Variants in RBFOX3 observed in about 807,000 individuals in gnomAD.
RBFOX3 encodes RNA binding protein fox-1 homolog 3.
A neutral mutation model predicts 48.7 loss-of-function variants in RBFOX3; 17 were observed. The ratio of observed to expected loss-of-function variants is 0.35; its 90% CI spans 0.24 to 0.52. The LOEUF (loss-of-function observed/expected upper bound fraction) is 0.52. Ranked by LOEUF, RBFOX3 falls within the 20% of genes least tolerant of loss-of-function variation. The probability of loss-of-function intolerance (pLI) is 0.94; values close to 1 mark genes in which losing one functional copy is unlikely to be tolerated. For missense variants in RBFOX3, 382 were observed against 497.5 expected (o/e 0.77, Z 2.21); for synonymous variants, 212 against 209.5 (o/e 1.01, Z -0.10).
At chr17:79,147,743 A>G (rs2043337197) in intron 4 of RBFOX3, among the ~76,000 whole-genome samples, 1 of 152,204 alleles carries the variant, frequency 6.6e-6, no homozygotes, top group African/African-American at 2.4e-5. Flanking sequence ...GTGTCCAGGC[A>G]GGCTCTGCGC....
At chr17:79,137,341 C>T (rs2040455691) in intron 4 of RBFOX3, among the ~76,000 whole-genome samples, 1 of 152,202 alleles carries the variant, frequency 6.6e-6, no homozygotes, top group South Asian at 2.1e-4. Flanking sequence ...CTCACACAAG[C>T]ACCCCTGGAT....
chr17:79,283,738 C>G (rs988925194), intron 3 of RBFOX3, among the ~76,000 whole-genome samples: 1 of 152,244 alleles, frequency 6.6e-6, no homozygotes, highest in Non-Finnish European at 1.5e-5. Context: ...CCTTGCCCAT[C>G]ATGCAGAGCG....
intron 2 of RBFOX3, among the ~76,000 whole-genome samples, chr17:79,365,820 G>T (rs1163218712): frequency 6.6e-6 from 1 of 152,234 alleles, no homozygotes; most frequent in African/African-American, 2.4e-5. Context: ...CAGGGTCAAG[G>T]GGCTATAGTG....
At chr17:79,134,878 C>T (rs539378521) in intron 4 of RBFOX3, among the ~76,000 whole-genome samples, 9 of 152,226 alleles carry the variant, frequency 5.9e-5, no homozygotes, top group African/African-American at 9.6e-5. Flanking sequence ...AGGAAGAGCA[C>T]GGCGGGGCTG....
At chr17:79,493,586 G>A (rs1449688142) in intron 1 of RBFOX3, among the ~76,000 whole-genome samples, 1 of 152,140 alleles carries the variant, frequency 6.6e-6, no homozygotes, top group Non-Finnish European at 1.5e-5. Flanking sequence ...TGCTAAAGGA[G>A]TCCCCAACCC....
At chr17:79,380,182 C>A (rs2059723793) in intron 2 of RBFOX3, among the ~76,000 whole-genome samples, 1 of 151,986 alleles carries the variant, frequency 6.6e-6, no homozygotes, top group Middle Eastern at 3.4e-3. Flanking sequence ...CAAATCTCCA[C>A]AATCCCCCCC....
chr17:79,148,984 C>T (rs1196141327), intron 4 of RBFOX3, among the ~76,000 whole-genome samples: 1 of 152,226 alleles, frequency 6.6e-6, no homozygotes, highest in Non-Finnish European at 1.5e-5. Context: ...TCAAGAAACG[C>T]TAACCATAAA....
chr17:79,420,422 A>G (rs775757859), intron 2 of RBFOX3, among the ~76,000 whole-genome samples: 89 of 152,290 alleles, frequency 5.8e-4, no homozygotes, highest in East Asian at 3.9e-4. Context: ...ATGGGAGGAA[A>G]GTGTGAGTCA....
In RBFOX3 at chr17:79,362,617, T is replaced by C. The variant is rs1424706135; in HGVS notation, c.-174-54793A>G. Among the ~76,000 whole-genome samples, 1 of 152,198 alleles carries C rather than the reference T, an allele frequency of 6.6e-6. No homozygotes were observed. The highest frequency in any genetic ancestry group is 1.5e-5 in the Non-Finnish European group (1 of 68,030). On this transcript the variant is annotated intron_variant, in intron 2 of 14. Transcript: ENST00000693108. This position sits in a 1 kb window ranked among gnomAD's most constrained non-coding sequence, Gnocchi z 4.2. ...CAGAGGCCTCTTTGCAAAGCTTGAA[T>C]ACCTGGCGCCCCAGGAAAATGAGAG... is the stretch of plus-strand genomic sequence containing the variant.
At chr17:79,169,473 C>G (rs1472412229) in intron 4 of RBFOX3, among the ~76,000 whole-genome samples, 1 of 152,198 alleles carries the variant, frequency 6.6e-6, no homozygotes, top group Non-Finnish European at 1.5e-5. Flanking sequence ...GCTAAGATCA[C>G]ACACCCCACC....
At chr17:79,627,524 G>A in the RBFOX3 span, among the ~76,000 whole-genome samples, 1 of 152,158 alleles carries the variant, frequency 6.6e-6, no homozygotes, top group Non-Finnish European at 1.5e-5. Flanking sequence ...GACTCCAGGA[G>A]TGAGACCTGT....
intron 1 of RBFOX3, among the ~76,000 whole-genome samples, chr17:79,501,503 T>C (rs797035490): frequency 0.97 from 147,563 of 152,320 alleles, 71,511 homozygotes; most frequent in Middle Eastern, 0.99. Flanking sequence ...AGTCCCACCC[T>C]CTGCCTCCTC....
intron 1 of RBFOX3, among the ~76,000 whole-genome samples, chr17:79,564,634 T>A (rs1381726801): frequency 6.6e-6 from 1 of 152,160 alleles, no homozygotes; most frequent in Non-Finnish European, 1.5e-5. Flanking sequence ...CAGGATTATT[T>A]ATAACGCAGA....
rs1333107283 is a variant in RBFOX3, at chr17:79,473,345, T to C, written c.-175+9109A>G. Reference sequence around the variant, plus strand: ...ATTCTGTATGGCCCTGGGTTGGTCATTTATCTGCAGCTCAGCTTCCTCACA... The same window carrying C: ...ATTCTGTATGGCCCTGGGTTGGTCACTTATCTGCAGCTCAGCTTCCTCACA... On this transcript the variant is annotated intron_variant, in intron 2 of 14. Coordinates refer to ENST00000693108, the MANE Select transcript of RBFOX3 (RefSeq NM_001350451.2). This position sits in a 1 kb window ranked among gnomAD's most constrained non-coding sequence, Gnocchi z 4.2. Among the ~76,000 whole-genome samples the C allele has an allele frequency of 6.6e-6, 1 of 152,218 alleles. No homozygotes were observed. The highest frequency in any genetic ancestry group is 1.5e-5 in the Non-Finnish European group (1 of 68,036).
chr17:79,258,681 T>A (rs2065257963), intron 3 of RBFOX3, among the ~76,000 whole-genome samples: 1 of 152,132 alleles, frequency 6.6e-6, no homozygotes, highest in African/African-American at 2.4e-5. Flanking sequence ...GCAAGAGAGA[T>A]GGACAGGCCC....
intron 1 of RBFOX3, among the ~76,000 whole-genome samples, chr17:79,547,275 C>T (rs1169417761): frequency 4.6e-5 from 7 of 152,080 alleles, no homozygotes; most frequent in African/African-American, 1.4e-4. Context: ...GGTGAAACTC[C>T]GTCTCTACTA....
intron 4 of RBFOX3, among the ~76,000 whole-genome samples, chr17:79,169,014 A>T (rs9908233): frequency 1.3e-5 from 2 of 152,134 alleles, no homozygotes; most frequent in Admixed American, 1.3e-4. Context: ...AAACACGCAC[A>T]CTGGCTCTCG....
chr17:79,162,974 T>A (rs2047267848), intron 4 of RBFOX3, among the ~76,000 whole-genome samples: 1 of 152,222 alleles, frequency 6.6e-6, no homozygotes, highest in South Asian at 2.1e-4. Flanking sequence ...GACCGAGGTC[T>A]GTGACATGCA....
In RBFOX3 at chr17:79,214,665, C is replaced by T. The variant is rs779950338; in HGVS notation, c.-34+21101G>A. ...GGCAGGGCTGAAGCTGGGTCTGTTCCCCAGGTTCCTGGGAGGGTGGCCATC... is the reference window on the plus strand; with the variant it reads ...GGCAGGGCTGAAGCTGGGTCTGTTCTCCAGGTTCCTGGGAGGGTGGCCATC... On this transcript the variant is annotated intron_variant, in intron 4 of 14. Transcript: ENST00000693108. The surrounding 1 kb of genome is among the most constrained non-coding windows in gnomAD (Gnocchi z 4.7). Among the ~76,000 whole-genome samples, 21 of 151,820 alleles carry T rather than the reference C, an allele frequency of 1.4e-4. No homozygotes were observed. The highest frequency in any genetic ancestry group is 1.3e-4 in the Non-Finnish European group (9 of 67,884).
Sources: gnomAD v4.1 joint callset for allele counts (sites outside exome capture counted in the v4.1 genomes callset) on GRCh38, gnomAD v4.1.1 for gene constraint, Gnocchi (gnomAD v3.1) non-coding constraint, MANE v1.5 for transcripts, NCBI Gene and HGNC (gene_info 2026-07-23, HGNC 2026-07-21) for gene names.